MYO5C: variants seen among roughly 807,000 people sequenced by gnomAD.
MYO5C encodes the protein myosin VC, also known as unconventional myosin-Vc.
MYO5C carries 194 observed loss-of-function variants against 235.7 expected under a neutral mutation model. The ratio of observed to expected loss-of-function variants is 0.82; its 90% confidence interval spans 0.73 to 0.93. The LOEUF (loss-of-function observed/expected upper bound fraction) is 0.93, where lower values mean the gene tolerates loss of function less well. Among genes scored for constraint, MYO5C ranks in the 40% least tolerant of loss-of-function variants. The pLI is 0.00. For missense variants in MYO5C, 2,038 were observed against 2,127.2 expected (o/e 0.96, Z 0.82); for synonymous variants, 707 against 754.8 (o/e 0.94, Z 1.04).
Position 52,214,625 on chromosome 15 carries a change from T to C in MYO5C, c.4020A>G (p.Thr1340=), listed in dbSNP as rs2035514289. 1 of 1,607,734 alleles carries C rather than the reference T, an allele frequency of 6.2e-7. No individual in the cohort carries two copies. Among genetic ancestry groups the C allele is most frequent in the Non-Finnish European group, 8.5e-7 (1 of 1,176,776 alleles). Residue 1340 remains threonine (T), a synonymous_variant, in exon 33 of 41, where the codon ACA becomes ACG. Transcript: ENST00000261839. ...TACCTTTTCCAATTGTCTTGCTTAGTGTCTTGACTTGATCTTGTAGCTTTT... is the reference window on the plus strand; with the variant it reads ...TACCTTTTCCAATTGTCTTGCTTAGCGTCTTGACTTGATCTTGTAGCTTTT... ...VIKKLQDQVK[T]LSKTIGKAND... is the part of the protein sequence containing the mutation.
chr15:52,205,298 T>G lies in MYO5C; in HGVS notation c.4538-151A>C. 3.5e-6 allele frequency: 3 copies of G among 866,968 alleles called. No individual in the cohort carries two copies. In the East Asian group the frequency reaches 8.0e-5, roughly 23 times the overall value. The allele number at this position is 866,968 out of a possible 1,614,324, so 53.7% of individuals were successfully genotyped here. ...AGAGAAAGCAAAAGAATCAAGGGTT[T>G]GGGACACCAGGGTGTGTGTCAGGGT... is the stretch of plus-strand genomic sequence containing the variant. On this transcript the variant is annotated intron_variant, in intron 37 of 40. Transcript: ENST00000261839.
chr15:52,211,429 T>G (rs992962043), intron 35 of MYO5C, among the ~76,000 whole-genome samples: 3 of 152,236 alleles, frequency 2.0e-5, no homozygotes, highest in Non-Finnish European at 2.9e-5. Flanking sequence ...TGATTTACCC[T>G]TGTTACAGAG....
At chr15:52,244,247 C>A (rs2036289061) in intron 19 of MYO5C, 109 bp downstream of exon 19, 4 of 1,092,104 alleles carry the variant, frequency 3.7e-6, no homozygotes, top group Non-Finnish European at 5.3e-6. Context: ...CACGTCTGCA[C>A]CCTGGGTCAC....
intron 23 of MYO5C, among the ~76,000 whole-genome samples, chr15:52,235,319 C>T (rs1325873527): frequency 1.3e-5 from 2 of 152,158 alleles, no homozygotes; most frequent in East Asian, 3.8e-4. Flanking sequence ...GTCTGAACCA[C>T]CTCTGACACC....
chr15:52,240,540 C>CAAAAAAAAA (rs35556321), intron 20 of MYO5C, among the ~76,000 whole-genome samples: 75 of 101,206 alleles, frequency 7.4e-4, no homozygotes, highest in African/African-American at 3.4e-3. Context: ...TCATTCTCTA[C>CAAAAAAAAA]AAAAAAAGAA....
intron 5 of MYO5C, among the ~76,000 whole-genome samples, chr15:52,274,637 C>T (rs2036998708): frequency 6.6e-6 from 1 of 151,772 alleles, no homozygotes; most frequent in South Asian, 2.1e-4. Context: ...AAGCCTATGC[C>T]TCTGAATTAT....
At chr15:52,221,851 T>C (rs931900802) in intron 29 of MYO5C, among the ~76,000 whole-genome samples, 1 of 152,216 alleles carries the variant, frequency 6.6e-6, no homozygotes, top group Non-Finnish European at 1.5e-5. Flanking sequence ...CTCTGAAGTC[T>C]AAATGAAGAA....
chr15:52,210,529 AAGAG>A (rs376465109), intron 35 of MYO5C, among the ~76,000 whole-genome samples: 3 of 151,984 alleles, frequency 2.0e-5, no homozygotes, highest in Non-Finnish European at 4.4e-5. Context: ...TTCCTAGAAA[AAGAG>A]AGAGAGAGAA....
intron 11 of MYO5C, among the ~76,000 whole-genome samples, chr15:52,255,406 G>A (rs2036559743): frequency 6.6e-6 from 1 of 152,222 alleles, no homozygotes; most frequent in Non-Finnish European, 1.5e-5. Context: ...TTATGAACTG[G>A]AATCACCATT....
chr15:52,248,053 C>T (rs1452500635), intron 14 of MYO5C, among the ~76,000 whole-genome samples: 1 of 152,212 alleles, frequency 6.6e-6, no homozygotes, highest in Non-Finnish European at 1.5e-5. Flanking sequence ...TGTATTTGTA[C>T]CTCATTTAAA....
chr15:52,284,527 T>C (rs575614051), intron 1 of MYO5C, among the ~76,000 whole-genome samples: 6 of 152,252 alleles, frequency 3.9e-5, no homozygotes, highest in Non-Finnish European at 7.4e-5. Context: ...GGGGCTCGGG[T>C]TACATAGGGG....
At chr15:52,219,700 C>T in intron 31 of MYO5C, 59 bp downstream of exon 31, 1 of 1,343,736 alleles carries the variant, frequency 7.4e-7, no homozygotes, top group Non-Finnish European at 1.1e-6. Context: ...GTATATTCTA[C>T]AGTTTCAGAA....
intron 1 of MYO5C, among the ~76,000 whole-genome samples, chr15:52,283,738 C>T (rs754312880): frequency 6.7e-4 from 102 of 151,994 alleles, no homozygotes; most frequent in Non-Finnish European, 1.1e-3. Flanking sequence ...TGCAACAGCA[C>T]GATCTTGGCT....
chr15:52,208,959 G>C (rs761578313), intron 35 of MYO5C, among the ~76,000 whole-genome samples: 2 of 152,144 alleles, frequency 1.3e-5, no homozygotes, highest in Non-Finnish European at 2.9e-5. Flanking sequence ...CAGAGTTTTA[G>C]TAGGTGGTCA....
At chr15:52,265,624 G>C (rs889297753) in intron 8 of MYO5C, among the ~76,000 whole-genome samples, 3 of 150,816 alleles carry the variant, frequency 2.0e-5, no homozygotes, top group Non-Finnish European at 4.4e-5. Flanking sequence ...CTGCAGCCTC[G>C]ACCTCCTAGG....
chr15:52,271,367 T>G (rs1214863829), intron 7 of MYO5C, among the ~76,000 whole-genome samples: 1 of 152,110 alleles, frequency 6.6e-6, no homozygotes, highest in Non-Finnish European at 1.5e-5. Context: ...TAGCTGGGAC[T>G]ACAGGTGCGT....
At chr15:52,279,071 C>A in intron 3 of MYO5C, 54 bp from the exon 4 acceptor site, 2 of 1,519,414 alleles carry the variant, frequency 1.3e-6, no homozygotes, top group Non-Finnish European at 1.8e-6. Context: ...CCTGCATCTC[C>A]AGTTTTTTTT....
rs559011461 is a variant in MYO5C at position 52,246,010 on chromosome 15, C to T, written c.2012G>A (p.Arg671Gln). 1.2e-6 allele frequency: 2 copies of T among 1,614,104 alleles called. No individual in the cohort carries two copies. Among genetic ancestry groups the T allele is most frequent in the South Asian group, 1.1e-5 (1 of 91,078 alleles). ...FDSKRIVQQL[R>Q]ACGVLETIRI... Reference sequence around the variant, plus strand: ...AATCGTTTCTAAAACGCCGCAGGCTCGCAGCTGCTGAACAATTCTTTTGGA... The same window carrying T: ...AATCGTTTCTAAAACGCCGCAGGCTTGCAGCTGCTGAACAATTCTTTTGGA... Residue 671 changes from arginine (R) to glutamine (Q), a missense_variant, in exon 17 of 41, where the codon CGA (arginine) becomes CAA (glutamine). Transcript: ENST00000261839.
At chr15:52,277,758 C>T (rs1005527582) in intron 4 of MYO5C, 1 of 442,442 alleles carries the variant, frequency 2.3e-6, no homozygotes, top group Admixed American at 2.4e-5. Flanking sequence ...CTGCACGGCA[C>T]CGGGTCTCTG....
Sources: gnomAD v4.1 joint callset for allele counts (sites outside exome capture counted in the v4.1 genomes callset) on GRCh38, gnomAD v4.1.1 for gene constraint, MANE v1.5 for transcripts, NCBI Gene and HGNC (gene_info 2026-07-23, HGNC 2026-07-21) for gene names.